FHIT: variants seen among roughly 807,000 people sequenced by gnomAD.
The protein encoded by FHIT is fragile histidine triad diadenosine triphosphatase, also known as bis(5'-adenosyl)-triphosphatase.
Under a neutral mutation model 17.9 loss-of-function variants are expected in FHIT, and 19 were observed. The ratio of observed to expected loss-of-function variants is 1.06; its 90% CI spans 0.74 to 1.56. The LOEUF is 1.56. FHIT is among the 40% of genes most tolerant of loss of function. The pLI, the probability that FHIT is intolerant of heterozygous loss-of-function variation, is 0.00. For synonymous variants in FHIT, 81 were observed against 69.7 expected (o/e 1.16, Z -0.81); for missense variants, 248 against 189.2 (o/e 1.31, Z -1.82).
chr3:60,762,707 CTT>C (rs1436586481), intron 4 of FHIT, among the ~76,000 whole-genome samples: 5 of 152,268 alleles, frequency 3.3e-5, no homozygotes, highest in Admixed American at 3.3e-4. Flanking sequence ...AATCAGTAGA[CTT>C]TGAGTAAAAC....
intron 2 of FHIT, among the ~76,000 whole-genome samples, chr3:61,086,549 C>T (rs1046103154): frequency 6.6e-6 from 1 of 152,106 alleles, no homozygotes; most frequent in Non-Finnish European, 1.5e-5. Context: ...CTTTTCAGGT[C>T]TTTGTCATTT....
At chr3:61,069,205 A>C (rs968986610) in intron 2 of FHIT, among the ~76,000 whole-genome samples, 1 of 152,160 alleles carries the variant, frequency 6.6e-6, no homozygotes, top group Admixed American at 6.5e-5. Context: ...TTTTCGTGGC[A>C]CATATAATGG....
At chr3:60,050,034 T>C (rs2106874742) in intron 5 of FHIT, among the ~76,000 whole-genome samples, 1 of 152,310 alleles carries the variant, frequency 6.6e-6, no homozygotes, top group East Asian at 1.9e-4. Flanking sequence ...TGTCTCAGAA[T>C]ACTGAAAGTG....
chr3:60,609,956 T>G (rs143290242), intron 4 of FHIT, among the ~76,000 whole-genome samples: 2 of 152,242 alleles, frequency 1.3e-5, no homozygotes, highest in African/African-American at 4.8e-5. Flanking sequence ...CTGATTTTAA[T>G]TGGTGCTATA....
At chr3:59,761,059 T>G (rs989962003) in intron 8 of FHIT, among the ~76,000 whole-genome samples, 1 of 152,192 alleles carries the variant, frequency 6.6e-6, no homozygotes, top group Non-Finnish European at 1.5e-5. Flanking sequence ...ACTAAGGGGT[T>G]GATATTCTTA....
At position 60,435,848 on chromosome 3, in the gene FHIT, C is replaced by T. The variant is rs553058459; in HGVS notation, c.103+101012G>A. ...CAACAGGCCCCAGTGTGTGTTGTTC[C>T]CCTCTATGTGTCCATGTGTTCTCAT... On this transcript the variant is annotated intron_variant, in intron 5 of 9. Coordinates refer to ENST00000492590, the MANE Select transcript of FHIT (RefSeq NM_002012.4). Among the ~76,000 whole-genome samples, 3 of 152,084 alleles carry T rather than the reference C, an allele frequency of 2.0e-5. No individual in the cohort carries two copies. In the East Asian group the frequency reaches 5.8e-4, roughly 30 times the overall value.
intron 1 of FHIT, among the ~76,000 whole-genome samples, chr3:61,214,362 G>A (rs1158994503): frequency 6.6e-6 from 1 of 152,196 alleles, no homozygotes; most frequent in Non-Finnish European, 1.5e-5. Context: ...ACTACCATCA[G>A]AGAATACTAC....
intron 8 of FHIT, among the ~76,000 whole-genome samples, chr3:59,777,593 C>A (rs2106864286): frequency 1.3e-5 from 2 of 152,290 alleles, no homozygotes; most frequent in Admixed American, 1.3e-4. Flanking sequence ...CTGATATAAA[C>A]CACTGTGATA....
Position 60,173,923 on chromosome 3 carries a change from T to A in FHIT, c.104-159771A>T, listed in dbSNP as rs1380354686. 1.8e-3 allele frequency among the ~76,000 whole-genome samples: 108 copies of A among 60,142 alleles called. 2 individuals carry two copies. The highest frequency in any genetic ancestry group is 2.4e-3 in the African/African-American group (28 of 11,894). The allele number at this position is 60,142 out of a possible 152,430, so 39.5% of individuals were successfully genotyped here. A position where few individuals can be genotyped will look rare whatever the true frequency, so the allele number is the denominator to read the frequency against. Reference sequence around the variant, plus strand: ...TATATATATATATATATATGTTTTTTTTTTTTTTTGAGATCGAGTCTCACT... The same window carrying A: ...TATATATATATATATATATGTTTTTATTTTTTTTTGAGATCGAGTCTCACT... On this transcript the variant is annotated intron_variant, in intron 5 of 9. Transcript: ENST00000492590.
chr3:59,931,019 A>G (rs553984822), intron 7 of FHIT, among the ~76,000 whole-genome samples: 26 of 152,302 alleles, frequency 1.7e-4, no homozygotes, highest in Non-Finnish European at 3.5e-4. Flanking sequence ...AACTTCTTTC[A>G]TATTCCCTCA....
In FHIT at chr3:60,578,424, A is replaced by G. The variant is rs1424084825; in HGVS notation, c.-17-41445T>C. On this transcript the variant is annotated intron_variant, in intron 4 of 9. Transcript: ENST00000492590. ...TGCACTCTGGCCTGGGCGAAAGAGCATGACTCCATCTACAAAACACACACA... is the reference window on the plus strand; with the variant it reads ...TGCACTCTGGCCTGGGCGAAAGAGCGTGACTCCATCTACAAAACACACACA... Among the ~76,000 whole-genome samples the G allele has an allele frequency of 2.9e-4, 41 of 141,536 alleles. 1 individual carries two copies. In the Admixed American group the frequency reaches 3.0e-3, roughly 10 times the overall value. The allele number at this position is 141,536 out of a possible 152,430, so 92.9% of individuals were successfully genotyped here. A position where few individuals can be genotyped will look rare whatever the true frequency, so the allele number is the denominator to read the frequency against.
chr3:60,929,949 C>G (rs145829771), intron 3 of FHIT, among the ~76,000 whole-genome samples: 1 of 152,304 alleles, frequency 6.6e-6, no homozygotes, highest in African/African-American at 2.4e-5. Flanking sequence ...ATCATGCTAC[C>G]TGACTTCAAA....
In FHIT at chr3:59,752,103, T is replaced by C. The variant is rs112868324; in HGVS notation, c.*5+118A>G. 32 of 664,942 alleles carry C rather than the reference T, an allele frequency of 4.8e-5. No homozygotes were observed. The African/African-American group carries it at 5.5e-4, about 11-fold the overall frequency. The allele number at this position is 664,942 out of a possible 1,614,324, so 41.2% of individuals were successfully genotyped here. ...TTCTCCCCTCCAGCTCTTTGTCCTT[T>C]GCAGCCACCACCCAAGGATGCTGGT... On this transcript the variant is annotated intron_variant, in intron 9 of 9. Coordinates refer to ENST00000492590, the MANE Select transcript of FHIT (RefSeq NM_002012.4).
intron 7 of FHIT, among the ~76,000 whole-genome samples, chr3:59,955,519 C>A (rs73839796): frequency 0.026 from 4,006 of 152,264 alleles, 199 homozygotes; most frequent in African/African-American, 0.092. Context: ...ACTTTTATAT[C>A]CCTAGCTCCC....
At chr3:60,557,292 C>T (rs1043470997) in intron 4 of FHIT, among the ~76,000 whole-genome samples, 2 of 152,096 alleles carry the variant, frequency 1.3e-5, no homozygotes, top group African/African-American at 4.8e-5. Flanking sequence ...TCCAACAGTG[C>T]TAAGAAAGAT....
intron 3 of FHIT, among the ~76,000 whole-genome samples, chr3:60,826,676 T>C (rs1702135097): frequency 6.6e-6 from 1 of 152,146 alleles, no homozygotes; most frequent in Non-Finnish European, 1.5e-5. Flanking sequence ...CCATCTGTCA[T>C]TTGGAATGAC....
At chr3:61,200,991 TACTC>T (rs10530745) in intron 1 of FHIT, among the ~76,000 whole-genome samples, 65,468 of 151,714 alleles carry the variant, frequency 0.43, 14,464 homozygotes, top group East Asian at 0.58. Context: ...GAGTGTGACA[TACTC>T]AGTCTGACTA....
At chr3:60,312,415 C>T (rs988453900) in intron 5 of FHIT, among the ~76,000 whole-genome samples, 4 of 152,196 alleles carry the variant, frequency 2.6e-5, no homozygotes, top group African/African-American at 9.6e-5. Context: ...AGTGCCAGGA[C>T]CTTAGCCATG....
At chr3:60,240,639 G>T (rs1214320820) in intron 5 of FHIT, among the ~76,000 whole-genome samples, 1 of 152,160 alleles carries the variant, frequency 6.6e-6, no homozygotes, top group African/African-American at 2.4e-5. Context: ...CAAAGAAAGA[G>T]AAGGAAGAGG....
Sources: gnomAD v4.1 joint callset for allele counts (sites outside exome capture counted in the v4.1 genomes callset) on GRCh38, gnomAD v4.1.1 for gene constraint, MANE v1.5 for transcripts, NCBI Gene and HGNC (gene_info 2026-07-23, HGNC 2026-07-21) for gene names.